EXT1: variants seen among roughly 807,000 people sequenced by gnomAD.
EXT1 encodes the protein exostosin glycosyltransferase 1.
A neutral mutation model predicts 82.5 loss-of-function variants in EXT1; 20 were observed. That is an observed-to-expected ratio of 0.24 (90% CI 0.17 to 0.35). The LOEUF is 0.35. Ranked by LOEUF, EXT1 falls within the 10% of genes least tolerant of loss-of-function variation. The pLI, the probability that EXT1 is intolerant of heterozygous loss-of-function variation, is 1.00. For missense variants in EXT1, 757 were observed against 936.5 expected (o/e 0.81, Z 2.50); for synonymous variants, 348 against 350.8 (o/e 0.99, Z 0.09).
chr8:118,055,347 C>T (rs545343083), intron 1 of EXT1, among the ~76,000 whole-genome samples: 1 of 152,330 alleles, frequency 6.6e-6, no homozygotes, highest in Admixed American at 6.5e-5. Flanking sequence ...TATTATTCCA[C>T]TGCATGGATA....
intron 1 of EXT1, among the ~76,000 whole-genome samples, chr8:118,022,285 T>C (rs1002284098): frequency 1.4e-5 from 2 of 146,118 alleles, no homozygotes; most frequent in Non-Finnish European, 3.0e-5. Context: ...GGGGAGGCAA[T>C]ATATTAAAAA....
chr8:117,856,323 C>T (rs566845945), intron 1 of EXT1, among the ~76,000 whole-genome samples: 1 of 149,144 alleles, frequency 6.7e-6, no homozygotes, highest in Non-Finnish European at 1.5e-5. Context: ...GGCGTGATCT[C>T]TGCTCACTGC....
At chr8:117,980,335 C>T (rs986949748) in intron 1 of EXT1, among the ~76,000 whole-genome samples, 12 of 152,172 alleles carry the variant, frequency 7.9e-5, no homozygotes, top group Non-Finnish European at 1.8e-4. Flanking sequence ...CCAGCTGAGA[C>T]TTCCTCCAAA....
chr8:117,841,437 T>TG (rs1001328853), intron 1 of EXT1, among the ~76,000 whole-genome samples: 4 of 151,936 alleles, frequency 2.6e-5, no homozygotes, highest in African/African-American at 9.7e-5. Flanking sequence ...AGAGGTCAAA[T>TG]GGGGGGACAC....
At chr8:118,011,959 C>T (rs538491081) in intron 1 of EXT1, among the ~76,000 whole-genome samples, 33 of 152,266 alleles carry the variant, frequency 2.2e-4, no homozygotes, top group East Asian at 1.2e-3. Context: ...GGGAAGCAGC[C>T]GACCACTGGT....
chr8:118,025,637 G>C (rs1330586739), intron 1 of EXT1, among the ~76,000 whole-genome samples: 1 of 152,206 alleles, frequency 6.6e-6, no homozygotes, highest in African/African-American at 2.4e-5. Flanking sequence ...AGACTGACTT[G>C]CCAGGCCAGC....
chr8:118,077,805 A>G (rs777902745), intron 1 of EXT1, among the ~76,000 whole-genome samples: 5 of 152,228 alleles, frequency 3.3e-5, no homozygotes, highest in South Asian at 2.1e-4. Flanking sequence ...AATATTCTTT[A>G]TATTTTCATT....
At chr8:117,809,684 C>A (rs1171075144) in intron 8 of EXT1, among the ~76,000 whole-genome samples, 1 of 151,128 alleles carries the variant, frequency 6.6e-6, no homozygotes, top group Non-Finnish European at 1.5e-5. Flanking sequence ...GTGGTGGAAC[C>A]GACATTAAGA....
chr8:118,043,842 A>C (rs929091071), intron 1 of EXT1, among the ~76,000 whole-genome samples: 17 of 152,246 alleles, frequency 1.1e-4, no homozygotes, highest in African/African-American at 3.4e-4. Flanking sequence ...GCCAAAAAAC[A>C]GGTAAAAGTC....
intron 1 of EXT1, among the ~76,000 whole-genome samples, chr8:117,903,705 C>G (rs1385150791): frequency 6.6e-6 from 1 of 152,204 alleles, no homozygotes; most frequent in Non-Finnish European, 1.5e-5. Context: ...CAACTTGCCA[C>G]AGACAGTCTT....
chr8:117,841,443 G>A (rs898528620), intron 1 of EXT1, among the ~76,000 whole-genome samples: 1 of 152,018 alleles, frequency 6.6e-6, no homozygotes, highest in Non-Finnish European at 1.5e-5. Flanking sequence ...CAAATGGGGG[G>A]ACACAGTGTT....
At chr8:117,849,848 T>C (rs538392372) in intron 1 of EXT1, among the ~76,000 whole-genome samples, 11 of 152,346 alleles carry the variant, frequency 7.2e-5, no homozygotes, top group African/African-American at 2.6e-4. Context: ...CCTGGCATTG[T>C]TATGTTTCTT....
Position 117,796,314 on chromosome 8 carries a change from C to G in EXT1, c.*3398G>C, listed in dbSNP as rs1437670524. The G allele has an allele frequency of 5.9e-5, 9 of 151,912 alleles. No individual in the cohort carries two copies. The East Asian group carries it at 1.7e-3, about 29-fold the overall frequency. 9.4% of individuals were successfully genotyped at this position (151,912 alleles called of 1,614,324 possible). ...CCAACCTAGTAAGGCTGTCTTCCCC[C>G]TGATCCTGCCCTTTAAACAGGTTTG... On this transcript the variant is annotated 3_prime_UTR_variant, in exon 11 of 11. Transcript: ENST00000378204.
intron 1 of EXT1, among the ~76,000 whole-genome samples, chr8:117,847,189 G>C (rs1321832063): frequency 6.6e-6 from 1 of 152,174 alleles, no homozygotes; most frequent in Non-Finnish European, 1.5e-5. Flanking sequence ...GGCTATGGAA[G>C]CAAGAAGATA....
intron 10 of EXT1, among the ~76,000 whole-genome samples, chr8:117,800,425 C>T (rs1362945448): frequency 6.6e-6 from 1 of 152,012 alleles, no homozygotes; most frequent in Non-Finnish European, 1.5e-5. Flanking sequence ...GTTAAAAATT[C>T]ACATATATAG....
intron 1 of EXT1, among the ~76,000 whole-genome samples, chr8:118,084,944 C>T (rs1173511644): frequency 6.6e-6 from 1 of 152,198 alleles, no homozygotes; most frequent in African/African-American, 2.4e-5. Context: ...GACAGATATT[C>T]GGGCTGGGGG....
intron 1 of EXT1, among the ~76,000 whole-genome samples, chr8:117,869,748 G>T (rs1028977349): frequency 2.6e-5 from 4 of 152,076 alleles, no homozygotes; most frequent in Non-Finnish European, 5.9e-5. Flanking sequence ...TACTTGAAAA[G>T]GAAGGGTGGA....
chr8:117,891,762 T>C (rs78630529), intron 1 of EXT1, among the ~76,000 whole-genome samples: 3,394 of 151,240 alleles, frequency 0.022, 140 homozygotes, highest in African/African-American at 0.079. Flanking sequence ...AAAGGCAGCA[T>C]CCTAAGCAGG....
intron 1 of EXT1, among the ~76,000 whole-genome samples, chr8:118,044,564 T>G (rs13271950): frequency 0.021 from 3,124 of 152,048 alleles, 114 homozygotes; most frequent in African/African-American, 0.071. Context: ...TGCGCCATCA[T>G]GCCTGGCTAA....
Sources: allele counts gnomAD v4.1 joint callset (sites outside exome capture counted in the v4.1 genomes callset), GRCh38; gene constraint gnomAD v4.1.1; transcripts MANE v1.5; gene names NCBI Gene and HGNC (gene_info 2026-07-23, HGNC 2026-07-21).